The following MICA variants were observed in gnomAD, a reference collection of about 807,000 sequenced individuals.
MICA encodes HLA class I antigen.
A neutral mutation model predicts 34.3 loss-of-function variants in MICA; 18 were observed. That is an observed-to-expected ratio of 0.52 (90% CI 0.36 to 0.78). The LOEUF is 0.78. Ranked by LOEUF, MICA falls within the 30% of genes least tolerant of loss-of-function variation. The pLI is 0.00. For synonymous variants in MICA, 135 were observed against 156.9 expected (o/e 0.86, Z 1.04); for missense variants, 333 against 409.4 (o/e 0.81, Z 1.61).
intron 5 of MICA, among the ~76,000 whole-genome samples, chr6:31,413,907 AT>A (rs1362212924): frequency 2.6e-5 from 4 of 152,028 alleles, no homozygotes; most frequent in Non-Finnish European, 5.9e-5. Flanking sequence ...CAGTAAAGAT[AT>A]TCGTAATTTC....
chr6:31,403,272 T>TGGGGGCGCGGGGATGG (rs1359938587), upstream of MICA, among the ~76,000 whole-genome samples: 1 of 151,090 alleles, frequency 6.6e-6, no homozygotes, highest in Non-Finnish European at 1.5e-5. The surrounding 1 kb of genome is among the most constrained non-coding windows in gnomAD (Gnocchi z 4.7). Context: ...CTCCTCGGGG[T>TGGGGGCGCGGGGATGG]GGGGGCGCGG....
At position 31,403,704 on chromosome 6, in the gene MICA, T is replaced by C; in HGVS notation, c.70+2T>C. 1 of 1,529,792 alleles carries C rather than the reference T, an allele frequency of 6.5e-7. No homozygotes were observed. Among genetic ancestry groups the C allele is most frequent in the Non-Finnish European group, 8.8e-7 (1 of 1,139,816 alleles). The allele number at this position is 1,529,792 out of a possible 1,614,324, so 94.8% of individuals were successfully genotyped here. ...TTGCACCTCCGGGAGCTGCTGCTGG[T>C]GAGTGGCGTTCCTGGCGGTCCTCGG... On this transcript the variant is annotated splice_donor_variant, in intron 1 of 5. Transcript: ENST00000449934. LOFTEE classifies it high-confidence loss of function. This position sits in a 1 kb window ranked among gnomAD's most constrained non-coding sequence, Gnocchi z 4.7.
At chr6:31,405,841 A>C (rs893691123) in intron 1 of MICA, among the ~76,000 whole-genome samples, 3 of 151,822 alleles carry the variant, frequency 2.0e-5, no homozygotes, top group African/African-American at 7.3e-5. Flanking sequence ...CCTGGGGCTT[A>C]TTTCACTTCA....
intron 1 of MICA, among the ~76,000 whole-genome samples, chr6:31,404,066 C>A (rs962393373): frequency 2.0e-5 from 3 of 151,806 alleles, no homozygotes; most frequent in Non-Finnish European, 4.4e-5. Context: ...AGCGCGGCCA[C>A]TGAAGCAGCC....
upstream of MICA, among the ~76,000 whole-genome samples, chr6:31,403,084 G>A (rs1360973065): frequency 1.3e-5 from 2 of 151,886 alleles, no homozygotes; most frequent in Admixed American, 6.6e-5. The surrounding 1 kb of genome is among the most constrained non-coding windows in gnomAD (Gnocchi z 4.7). Flanking sequence ...AGGCAGAGGT[G>A]GCTGAGATCT....
chr6:31,407,410 A>G (rs1335523752), intron 1 of MICA, among the ~76,000 whole-genome samples: 6 of 151,380 alleles, frequency 4.0e-5, no homozygotes, highest in South Asian at 2.1e-4. Flanking sequence ...CTAATTTTCT[A>G]TTTTTATTAG....
Position 31,412,323 on chromosome 6 carries a change from A to G in MICA, c.893-2A>G, listed in dbSNP as rs746411573. ...AGTGTATAACAAGTCCCTTTTTTTC[A>G]GGGAAAGTGCTGGTGCTTCAGAGTC... On this transcript the variant is annotated splice_acceptor_variant, in intron 4 of 5. Transcript: ENST00000449934. LOFTEE classifies it high-confidence loss of function. 42 of 1,600,172 alleles carry G rather than the reference A, an allele frequency of 2.6e-5. No homozygotes were observed. Among genetic ancestry groups the G allele is most frequent in the Non-Finnish European group, 3.5e-5 (41 of 1,175,776 alleles).
At chr6:31,414,898 C>T (rs78470849) in intron 5 of MICA, 114 bp from the exon 6 acceptor site, 168,593 of 843,048 alleles carry the variant, frequency 0.2, 19,417 homozygotes, top group African/African-American at 0.32. Context: ...CCTCATCTTC[C>T]CTCAGAGAAA....
chr6:31,410,242 C>T (rs1165693212), intron 1 of MICA, among the ~76,000 whole-genome samples: 38 of 151,916 alleles, frequency 2.5e-4, no homozygotes, highest in Non-Finnish European at 4.7e-4. Flanking sequence ...CATGCTCCTC[C>T]CTTGCCCCTG....
At chr6:31,410,473 C>A in intron 1 of MICA, 70 bp from the exon 2 acceptor site, 1 of 1,569,710 alleles carries the variant, frequency 6.4e-7, no homozygotes, top group East Asian at 2.3e-5. Flanking sequence ...GGACAGCAGA[C>A]CTGTGTGTTA....
At chr6:31,413,455 T>G (rs1397665535) in intron 5 of MICA, among the ~76,000 whole-genome samples, 7 of 151,886 alleles carry the variant, frequency 4.6e-5, no homozygotes, top group Admixed American at 2.6e-4. Context: ...ACGGTCAGAA[T>G]CATTTCCCCT....
upstream of MICA, among the ~76,000 whole-genome samples, chr6:31,401,176 C>CCGA (rs10693504): frequency 0.19 from 29,449 of 151,266 alleles, 3,621 homozygotes; most frequent in African/African-American, 0.27. Flanking sequence ...AGAGCTAGGT[C>CCGA]CATCTCCCTC....
intron 5 of MICA, among the ~76,000 whole-genome samples, chr6:31,414,201 C>T (rs1771376006): frequency 6.6e-6 from 1 of 151,956 alleles, no homozygotes; most frequent in South Asian, 2.1e-4. Flanking sequence ...TAAGGGGTCT[C>T]CCCTACTCCA....
chr6:31,412,314 C>G lies in MICA; in HGVS notation c.893-11C>G. The G allele has an allele frequency of 6.2e-7, 1 of 1,600,684 alleles. No homozygotes were observed. Among genetic ancestry groups the G allele is most frequent in the South Asian group, 1.1e-5 (1 of 89,258 alleles). On this transcript the variant is annotated splice_polypyrimidine_tract_variant and intron_variant, in intron 4 of 5. Transcript: ENST00000449934. ...TCTCTGCCCAGTGTATAACAAGTCC[C>G]TTTTTTTCAGGGAAAGTGCTGGTGC... is the stretch of plus-strand genomic sequence containing the variant.
intron 2 of MICA, 60 bp downstream of exon 2, chr6:31,410,857 G>A: frequency 1.3e-6 from 2 of 1,521,244 alleles, no homozygotes; most frequent in Non-Finnish European, 1.8e-6. Flanking sequence ...GTTAGGGGCA[G>A]AGAGCAGGGA....
rs199843678 is a variant in MICA at position 31,412,376 on chromosome 6, T to C, written c.944T>C (p.Val315Ala). The stretch of plus-strand genomic sequence containing the variant: ...TGGCAGACATTCCATGTTTCTGCTG[T>C]TGCTGCTGGCTGCTGCTATTTTTGT... Reference protein sequence around the residue: ...SHWQTFHVSAVAAGCCYFCYY... With the variant: ...SHWQTFHVSAAAAGCCYFCYY... Residue 315 changes from valine to alanine, a missense_variant, in exon 5 of 6, where the codon GTT becomes GCT. Val to Ala is a moderately conservative substitution (Grantham distance 64). Transcript: ENST00000449934. The C allele has an allele frequency of 1.5e-5, 23 of 1,512,814 alleles. 1 individual carries two copies. The highest frequency in any genetic ancestry group is 4.6e-5 in the Admixed American group (2 of 43,540). The allele number at this position is 1,512,814 out of a possible 1,614,324, so 93.7% of individuals were successfully genotyped here. A position where few individuals can be genotyped will look rare whatever the true frequency, so the allele number is the denominator to read the frequency against.
At position 31,403,791 on chromosome 6, in the gene MICA, C is replaced by G; in HGVS notation, c.70+89C>G. 2 of 1,253,130 alleles carry G rather than the reference C, an allele frequency of 1.6e-6. No homozygotes were observed. The highest frequency in any genetic ancestry group is 2.6e-5 in the Admixed American group (1 of 37,862). 77.6% of individuals were successfully genotyped at this position (1,253,130 alleles called of 1,614,324 possible). ...TGGGTAGCGGCGAGCGCTGTGCGGT[C>G]AGGGCGGGGCTCCTGTGCCCTGTCG... On this transcript the variant is annotated intron_variant, in intron 1 of 5. Transcript: ENST00000449934. The surrounding 1 kb of genome is among the most constrained non-coding windows in gnomAD (Gnocchi z 4.7).
At chr6:31,409,244 A>G (rs530520860) in intron 1 of MICA, among the ~76,000 whole-genome samples, 2 of 151,614 alleles carry the variant, frequency 1.3e-5, no homozygotes, top group South Asian at 4.2e-4. Context: ...TCTTTTGGGT[A>G]TATATCCAGA....
chr6:31,403,549 G>A (rs1315277391), upstream of MICA: 24 of 1,139,144 alleles, frequency 2.1e-5, no homozygotes, highest in Non-Finnish European at 2.8e-5. The surrounding 1 kb of genome is among the most constrained non-coding windows in gnomAD (Gnocchi z 4.7). Context: ...AGCGGTCGGG[G>A]GACCGGGCCA....
Sources: gnomAD v4.1 joint callset for allele counts (sites outside exome capture counted in the v4.1 genomes callset) on GRCh38, gnomAD v4.1.1 for gene constraint, Gnocchi (gnomAD v3.1) non-coding constraint, MANE v1.5 for transcripts, NCBI Gene and HGNC (gene_info 2026-07-23, HGNC 2026-07-21) for gene names.